APP: variants seen among roughly 807,000 people sequenced by gnomAD.
APP encodes amyloid-beta precursor protein.
Under a neutral mutation model 101.4 loss-of-function variants are expected in APP, and 31 were observed. The observed-to-expected ratio is 0.31, with a 90% confidence interval of 0.23 to 0.41. APP has a LOEUF of 0.41. Among genes scored for constraint, APP ranks in the 10% least tolerant of loss-of-function variants. The pLI is 1.00. For synonymous variants in APP, 366 were observed against 364.4 expected (o/e 1.00, Z -0.05); for missense variants, 839 against 1,003.7 (o/e 0.84, Z 2.22).
intron 2 of APP, among the ~76,000 whole-genome samples, chr21:26,091,851 G>A (rs570104823): frequency 7.2e-5 from 11 of 152,178 alleles, no homozygotes; most frequent in Admixed American, 2.0e-4. Context: ...AAAGAACTTC[G>A]ACCTGAGAAG....
intron 13 of APP, among the ~76,000 whole-genome samples, chr21:25,946,814 G>GA (rs2146455654): frequency 6.6e-6 from 1 of 152,250 alleles, no homozygotes; most frequent in African/African-American, 2.4e-5. Context: ...ATCGCATGAA[G>GA]AAAACACTGT....
At chr21:26,007,687 T>C (rs1158900646) in intron 6 of APP, among the ~76,000 whole-genome samples, 1 of 151,954 alleles carries the variant, frequency 6.6e-6, no homozygotes, top group African/African-American at 2.4e-5. Context: ...AGACAATATT[T>C]GCATTTGATT....
At chr21:25,967,988 A>T (rs454312) in intron 11 of APP, among the ~76,000 whole-genome samples, 54,540 of 152,068 alleles carry the variant, frequency 0.36, 11,798 homozygotes, top group African/African-American at 0.58. Context: ...AAGAAAGTCT[A>T]AGGAAAGTAA....
At chr21:26,128,433 T>TATTA (rs1227321455) in intron 1 of APP, among the ~76,000 whole-genome samples, 1 of 152,206 alleles carries the variant, frequency 6.6e-6, no homozygotes, top group Non-Finnish European at 1.5e-5. Context: ...TTAGCCACAG[T>TATTA]ATTAAATTTG....
intron 3 of APP, among the ~76,000 whole-genome samples, chr21:26,085,248 T>A (rs1272534805): frequency 1.3e-5 from 2 of 152,218 alleles, no homozygotes; most frequent in African/African-American, 4.8e-5. Context: ...CTGATTAGCC[T>A]TTCCTGATGA....
At chr21:26,140,518 T>C (rs923351723) in intron 1 of APP, 9 of 418,454 alleles carry the variant, frequency 2.2e-5, no homozygotes, top group African/African-American at 1.8e-4. Flanking sequence ...CAAAGCCAAG[T>C]GTCAGGGGCT....
At chr21:26,098,048 C>T (rs1442449710) in intron 2 of APP, among the ~76,000 whole-genome samples, 1 of 142,570 alleles carries the variant, frequency 7.0e-6, no homozygotes, top group African/African-American at 2.6e-5. Flanking sequence ...CCACTGCACT[C>T]CAGCCTGCGA....
intron 11 of APP, among the ~76,000 whole-genome samples, chr21:25,972,019 C>T (rs924210701): frequency 1.3e-5 from 2 of 152,172 alleles, no homozygotes; most frequent in African/African-American, 4.8e-5. Context: ...TAAAATGATA[C>T]AGGGAAATGC....
At chr21:26,164,270 A>C (rs910146747) in intron 1 of APP, among the ~76,000 whole-genome samples, 2 of 152,336 alleles carry the variant, frequency 1.3e-5, no homozygotes, top group East Asian at 3.9e-4. Flanking sequence ...CAAAAAATTC[A>C]TTTTATTTTG....
chr21:26,150,431 T>C (rs1475656009), intron 1 of APP, among the ~76,000 whole-genome samples: 4 of 152,122 alleles, frequency 2.6e-5, no homozygotes, highest in African/African-American at 7.2e-5. Flanking sequence ...TATTTCTCGA[T>C]TGTCTTCAGC....
intron 6 of APP, among the ~76,000 whole-genome samples, chr21:26,006,257 T>C (rs1324111886): frequency 1.3e-5 from 2 of 152,234 alleles, no homozygotes; most frequent in African/African-American, 4.8e-5. Flanking sequence ...TGATGTTGAA[T>C]TTCTTACACT....
At chr21:26,095,951 G>A (rs913621738) in intron 2 of APP, among the ~76,000 whole-genome samples, 7 of 152,140 alleles carry the variant, frequency 4.6e-5, no homozygotes, top group African/African-American at 9.6e-5. Context: ...AAAAGGACTC[G>A]AGATACTTAT....
At chr21:26,038,455 G>A (rs1369492222) in intron 5 of APP, among the ~76,000 whole-genome samples, 4 of 152,130 alleles carry the variant, frequency 2.6e-5, no homozygotes, top group African/African-American at 4.8e-5. Flanking sequence ...GGGTAGAGAA[G>A]TGATTTGACT....
At chr21:26,045,989 C>T (rs973639445) in intron 5 of APP, among the ~76,000 whole-genome samples, 1 of 151,466 alleles carries the variant, frequency 6.6e-6, no homozygotes, top group African/African-American at 2.5e-5. Flanking sequence ...TGTATGGCAG[C>T]AGGCAAAGAG....
chr21:25,892,387 T>A (rs975085621), intron 16 of APP, among the ~76,000 whole-genome samples: 1 of 152,180 alleles, frequency 6.6e-6, no homozygotes. Context: ...CTAATTTCCT[T>A]GGAGGGACAC....
chr21:26,147,297 T>C (rs1312221179), intron 1 of APP, among the ~76,000 whole-genome samples: 3 of 152,216 alleles, frequency 2.0e-5, no homozygotes, highest in Non-Finnish European at 4.4e-5. Flanking sequence ...GTCTCATCTG[T>C]TGCATGCAAG....
chr21:25,904,275 C>T (rs2038668558), intron 15 of APP, among the ~76,000 whole-genome samples: 2 of 152,114 alleles, frequency 1.3e-5, no homozygotes, highest in South Asian at 4.1e-4. Context: ...AGACACCAGG[C>T]ACATATATGC....
intron 5 of APP, among the ~76,000 whole-genome samples, chr21:26,045,852 G>A (rs539073041): frequency 3.9e-5 from 6 of 152,116 alleles, no homozygotes; most frequent in East Asian, 3.9e-4. Context: ...GCATGTTGCC[G>A]ATAAAGGCAT....
intron 6 of APP, among the ~76,000 whole-genome samples, chr21:26,004,926 G>C (rs1000896451): frequency 6.6e-6 from 1 of 151,368 alleles, no homozygotes; most frequent in Non-Finnish European, 1.5e-5. Flanking sequence ...CCTTGTGATA[G>C]TCTGCTGAGA....
Sources: allele counts gnomAD v4.1 joint callset (sites outside exome capture counted in the v4.1 genomes callset), GRCh38; gene constraint gnomAD v4.1.1; transcripts MANE v1.5; gene names NCBI Gene and HGNC (gene_info 2026-07-23, HGNC 2026-07-21).